DIMT1: variants seen among roughly 807,000 people sequenced by gnomAD.
DIMT1 encodes the protein dimethyladenosine transferase.
Under a neutral mutation model 43.2 loss-of-function variants are expected in DIMT1, and 36 were observed. The ratio of observed to expected loss-of-function variants is 0.83; its 90% CI spans 0.64 to 1.10. DIMT1 has a LOEUF of 1.10. Ranked by LOEUF, DIMT1 falls within the 50% of genes least tolerant of loss-of-function variation. DIMT1 has a pLI of 0.00. For missense variants in DIMT1, 341 were observed against 385.3 expected (o/e 0.88, Z 0.96); for synonymous variants, 126 against 130.3 (o/e 0.97, Z 0.22).
In DIMT1 at chr5:62,393,969, G is replaced by A. The variant is rs1303914068; in HGVS notation, c.649C>T (p.Pro217Ser). The change falls in exon 8 of 12, where the codon CCC becomes TCC. Residue 217 changes from proline to serine, a missense_variant. Pro to Ser is a moderately conservative substitution (Grantham distance 74). Coordinates refer to ENST00000199320, the MANE Select transcript of DIMT1 (RefSeq NM_014473.4). ...VRIEPKNPPP[P>S]INFQEWDGLV... ...TTTAACCTCACCTGAAAATTGATGG[G>A]TGGTGGTGGATTCTTAGGTTCTATC... 2 of 1,609,038 alleles carry A rather than the reference G, an allele frequency of 1.2e-6. No individual in the cohort carries two copies. Among genetic ancestry groups the A allele is most frequent in the Non-Finnish European group, 1.7e-6 (2 of 1,178,608 alleles).
chr5:62,402,003 T>C, intron 3 of DIMT1, 33 bp downstream of exon 3: 1 of 1,599,184 alleles, frequency 6.3e-7, no homozygotes, highest in Non-Finnish European at 8.6e-7. Flanking sequence ...AACATAGTCA[T>C]TTGTGATACC....
At chr5:62,398,351 C>A (rs973868586) in intron 6 of DIMT1, 160 bp downstream of exon 6, 25 of 688,884 alleles carry the variant, frequency 3.6e-5, no homozygotes, top group Non-Finnish European at 6.1e-5. Flanking sequence ...CCCCAAATAA[C>A]CTCTCAATTA....
In DIMT1 at chr5:62,398,811, T is replaced by C; in HGVS notation, c.302+9A>G. The C allele has an allele frequency of 1.2e-6, 2 of 1,613,980 alleles. No individual in the cohort carries two copies. Among genetic ancestry groups the C allele is most frequent in the Non-Finnish European group, 1.7e-6 (2 of 1,179,836 alleles). ...TGAAATGCACTTTAATTCTATTATG[T>C]ATACTCACGTGCCCTGAACTCTTTT... On this transcript the variant is annotated intron_variant, in intron 4 of 11. Coordinates refer to ENST00000199320, the MANE Select transcript of DIMT1 (RefSeq NM_014473.4).
At chr5:62,395,008 C>T (rs956809210) in intron 6 of DIMT1, among the ~76,000 whole-genome samples, 21 of 149,690 alleles carry the variant, frequency 1.4e-4, no homozygotes, top group African/African-American at 4.7e-4. Flanking sequence ...CTTGATTTGA[C>T]GGGTTAAAAG....
chr5:62,402,871 T>G (rs1049786224), intron 2 of DIMT1, among the ~76,000 whole-genome samples: 1 of 152,220 alleles, frequency 6.6e-6, no homozygotes, highest in Non-Finnish European at 1.5e-5. Context: ...TATGTGGTAC[T>G]AGCATACACC....
chr5:62,395,938 G>C (rs901925064), intron 6 of DIMT1, among the ~76,000 whole-genome samples: 2 of 152,070 alleles, frequency 1.3e-5, no homozygotes, highest in Non-Finnish European at 2.9e-5. Flanking sequence ...CCCAGCCCAG[G>C]GAGGCTGAGG....
At chr5:62,401,322 C>T (rs1029639253) in intron 3 of DIMT1, among the ~76,000 whole-genome samples, 8 of 151,346 alleles carry the variant, frequency 5.3e-5, no homozygotes, top group South Asian at 2.1e-4. Flanking sequence ...ATGGTGAAAC[C>T]GCATCTCTAC....
chr5:62,388,140 T>C lies in DIMT1; in HGVS notation c.*870A>G, dbSNP rs1742126455. 1 of 152,072 alleles carries C rather than the reference T, an allele frequency of 6.6e-6. No homozygotes were observed. The allele number at this position is 152,072 out of a possible 1,614,324, so 9.4% of individuals were successfully genotyped here. ...AGCTTAAAACTAAGCACCAGGTATA[T>C]GAAAAAGGAACTGGAAATTTTAATT... On this transcript the variant is annotated 3_prime_UTR_variant, in exon 12 of 12. Transcript: ENST00000199320.
rs27693 is a variant in DIMT1 at position 62,403,404 on chromosome 5, A to G, written c.80-58T>C. On this transcript the variant is annotated intron_variant, in intron 1 of 11. Coordinates refer to ENST00000199320, the MANE Select transcript of DIMT1 (RefSeq NM_014473.4). ...CTACTGAGATTAGATATTAGGCAGT[A>G]CCAGAGAAGAAAGCTGCATGGGTAT... is the stretch of plus-strand genomic sequence containing the variant. 5 of 1,526,324 alleles carry G rather than the reference A, an allele frequency of 3.3e-6. No individual in the cohort carries two copies. In the African/African-American group the frequency reaches 5.5e-5, roughly 17 times the overall value. The allele number at this position is 1,526,324 out of a possible 1,614,324, so 94.5% of individuals were successfully genotyped here. A position where few individuals can be genotyped will look rare whatever the true frequency, so the allele number is the denominator to read the frequency against.
intron 6 of DIMT1, among the ~76,000 whole-genome samples, chr5:62,397,336 G>GT (rs1362760440): frequency 6.6e-6 from 1 of 152,060 alleles, no homozygotes; most frequent in Non-Finnish European, 1.5e-5. Flanking sequence ...TTTTTGTTTT[G>GT]TTTTTTCATA....
intron 2 of DIMT1, 123 bp downstream of exon 2, chr5:62,403,150 G>C: frequency 1.2e-6 from 1 of 842,398 alleles, no homozygotes; most frequent in African/African-American, 1.7e-5. Context: ...ACAATTATTT[G>C]ATTCATTCAA....
intron 6 of DIMT1, among the ~76,000 whole-genome samples, chr5:62,395,085 C>G (rs966299408): frequency 6.7e-6 from 1 of 150,134 alleles, no homozygotes; most frequent in African/African-American, 2.5e-5. Flanking sequence ...AGTGCAATGG[C>G]GCAATCTCGG....
At chr5:62,402,261 ACG>A in intron 2 of DIMT1, 139 bp from the exon 3 acceptor site, 1 of 810,992 alleles carries the variant, frequency 1.2e-6, no homozygotes, top group South Asian at 1.7e-5. Flanking sequence ...TTCATGATCT[ACG>A]TGGTTAACAA....
chr5:62,403,475 G>C (rs1411938676), intron 1 of DIMT1, 129 bp from the exon 2 acceptor site: 1 of 1,017,942 alleles, frequency 9.8e-7, no homozygotes. Context: ...GTCACGCCAG[G>C]ACTGACAAAC....
At chr5:62,390,769 ACT>A (rs1742272654) in intron 11 of DIMT1, 105 bp downstream of exon 11, 2 of 866,614 alleles carry the variant, frequency 2.3e-6, no homozygotes, top group Non-Finnish European at 1.9e-6. Context: ...CTATGCAATA[ACT>A]CTCCCAGGTA....
In DIMT1 at chr5:62,398,667, A is replaced by C; in HGVS notation, c.375T>G (p.Cys125Trp). 6.2e-7 allele frequency: 1 copy of C among 1,614,244 alleles called. No homozygotes were observed. The highest frequency in any genetic ancestry group is 8.5e-7 in the Non-Finnish European group (1 of 1,180,044). Reference protein sequence around the residue: ...LKTDLPFFDTCVANLPYQISS... With the variant: ...LKTDLPFFDTWVANLPYQISS... ...ATACCTGATAAGGCAAATTTGCCAC[A>C]CAAGTATCAAAGAATGGCAAATCTG... is the stretch of plus-strand genomic sequence containing the variant. Residue 125 changes from cysteine to tryptophan, a missense_variant, in exon 5 of 12, where the codon TGT becomes TGG. Transcript: ENST00000199320.
At chr5:62,400,380 T>C (rs1742657139) in intron 3 of DIMT1, among the ~76,000 whole-genome samples, 1 of 152,002 alleles carries the variant, frequency 6.6e-6, no homozygotes, top group Non-Finnish European at 1.5e-5. Context: ...CCTGTGCAGC[T>C]GGGACCACAG....
In DIMT1 at chr5:62,399,859, T is replaced by C. The variant is rs545909180; in HGVS notation, c.241-978A>G. Among the ~76,000 whole-genome samples the C allele has an allele frequency of 1.3e-3, 198 of 152,090 alleles. 1 individual carries two copies. Among genetic ancestry groups the C allele is most frequent in the African/African-American group, 4.3e-3 (178 of 41,480 alleles). ...AGTCAGAGGTTGCAGTGAGCCGAGA[T>C]CGCGCCACAGCACTCCAGCCTGGCA... On this transcript the variant is annotated intron_variant, in intron 3 of 11. Transcript: ENST00000199320.
intron 2 of DIMT1, among the ~76,000 whole-genome samples, chr5:62,402,791 A>G (rs1742752339): frequency 6.6e-6 from 1 of 152,142 alleles, no homozygotes; most frequent in South Asian, 2.1e-4. Context: ...TTCACTTCCT[A>G]ACACCCAATC....
Sources: gnomAD v4.1 joint callset for allele counts (sites outside exome capture counted in the v4.1 genomes callset) on GRCh38, gnomAD v4.1.1 for gene constraint, MANE v1.5 for transcripts, NCBI Gene and HGNC (gene_info 2026-07-23, HGNC 2026-07-21) for gene names.